Variants in LAMA2 observed in about 807,000 individuals in gnomAD.
LAMA2 encodes laminin subunit alpha-2.
Under a neutral mutation model 364.8 loss-of-function variants are expected in LAMA2, and 269 were observed. That is an observed-to-expected ratio of 0.74 (90% CI 0.67 to 0.82). The LOEUF is 0.82. Ranked by LOEUF, LAMA2 falls within the 40% of genes least tolerant of loss-of-function variation. The pLI, the probability that LAMA2 is intolerant of heterozygous loss-of-function variation, is 0.00. For synonymous variants in LAMA2, 1,379 were observed against 1,370.6 expected, an observed-to-expected ratio of 1.01 and a Z score of -0.14; for missense variants, 3,807 against 3,873.2, an observed-to-expected ratio of 0.98 and a Z score of 0.45.
intron 1 of LAMA2, among the ~76,000 whole-genome samples, chr6:128,908,367 A>G (rs1476246356): frequency 1.6e-4 from 24 of 150,992 alleles, no homozygotes; most frequent in African/African-American, 5.8e-4. Context: ...GTCTTGGGAG[A>G]GTGTATGTGT....
intron 4 of LAMA2, among the ~76,000 whole-genome samples, chr6:129,119,028 CA>C (rs1776646137): frequency 6.6e-6 from 1 of 152,212 alleles, no homozygotes; most frequent in Admixed American, 6.5e-5. Context: ...GTTTTGGGAT[CA>C]GCGGTCCAAA....
At chr6:129,191,414 A>G (rs552471724) in intron 11 of LAMA2, among the ~76,000 whole-genome samples, 1 of 152,186 alleles carries the variant, frequency 6.6e-6, no homozygotes, top group South Asian at 2.1e-4. Context: ...AGAATCAACC[A>G]CAGATGGACA....
intron 12 of LAMA2, among the ~76,000 whole-genome samples, chr6:129,244,326 G>A (rs559407947): frequency 1.3e-5 from 2 of 152,148 alleles, no homozygotes; most frequent in South Asian, 4.2e-4. Flanking sequence ...TGATAAAAGA[G>A]AGCTCTACAA....
At chr6:129,220,716 T>A (rs1783766181) in intron 12 of LAMA2, among the ~76,000 whole-genome samples, 1 of 152,210 alleles carries the variant, frequency 6.6e-6, no homozygotes, top group African/African-American at 2.4e-5. Context: ...TAGCCAAATT[T>A]CACCAAGAAC....
At chr6:129,225,363 T>A (rs1215368765) in intron 12 of LAMA2, among the ~76,000 whole-genome samples, 2 of 152,230 alleles carry the variant, frequency 1.3e-5, no homozygotes, top group Non-Finnish European at 2.9e-5. Flanking sequence ...AGTTATTTCT[T>A]GCCTTCTGCT....
At chr6:129,401,907 T>G (rs1362616979) in intron 38 of LAMA2, among the ~76,000 whole-genome samples, 1 of 152,170 alleles carries the variant, frequency 6.6e-6, no homozygotes, top group African/African-American at 2.4e-5. Flanking sequence ...TGAAGTTTCA[T>G]TTTAAAACTA....
intron 3 of LAMA2, among the ~76,000 whole-genome samples, chr6:129,084,735 A>T (rs1774271278): frequency 6.6e-6 from 1 of 152,148 alleles, no homozygotes; most frequent in African/African-American, 2.4e-5. Flanking sequence ...TGCAGGCATA[A>T]ACCCTGGGAT....
At position 129,391,714 on chromosome 6, in the gene LAMA2, T is replaced by C. The variant is rs145579258; in HGVS notation, c.5234+61T>C. On this transcript the variant is annotated intron_variant, in intron 36 of 64. Coordinates refer to ENST00000421865, the MANE Select transcript of LAMA2 (RefSeq NM_000426.4). Reference sequence around the variant, plus strand: ...ACTGAGATTTCCAGATAATTTACAGTTTTCTAAATTTTTATCACACGTATA... The same window carrying C: ...ACTGAGATTTCCAGATAATTTACAGCTTTCTAAATTTTTATCACACGTATA... 2.5e-4 allele frequency: 371 copies of C among 1,458,398 alleles called. 1 individual carries two copies. In the African/African-American group the frequency reaches 4.7e-3, roughly 18 times the overall value. The allele number at this position is 1,458,398 out of a possible 1,614,324, so 90.3% of individuals were successfully genotyped here. A position where few individuals can be genotyped will look rare whatever the true frequency, so the allele number is the denominator to read the frequency against.
chr6:128,925,293 A>T (rs1779015456), intron 1 of LAMA2, among the ~76,000 whole-genome samples: 2 of 152,214 alleles, frequency 1.3e-5, no homozygotes, highest in Non-Finnish European at 2.9e-5. Context: ...GATAAATAAA[A>T]TGTTGTGCAT....
chr6:128,981,579 CAAAAA>C (rs145266584), intron 1 of LAMA2, among the ~76,000 whole-genome samples: 4 of 119,478 alleles, frequency 3.3e-5, no homozygotes, highest in Non-Finnish European at 5.1e-5. Context: ...CCATCTCTAC[CAAAAA>C]AAAAAAAAAA....
chr6:129,483,257 A>T (rs547471288), intron 55 of LAMA2, among the ~76,000 whole-genome samples: 2 of 151,774 alleles, frequency 1.3e-5, no homozygotes, highest in Admixed American at 6.6e-5. Flanking sequence ...TTCCTGATTT[A>T]AAAAAAAGAC....
intron 12 of LAMA2, among the ~76,000 whole-genome samples, chr6:129,193,509 T>A (rs562286394): frequency 6.6e-6 from 1 of 152,328 alleles, no homozygotes; most frequent in East Asian, 1.9e-4. Context: ...CTGTTGTGGA[T>A]TACTTCTATC....
intron 1 of LAMA2, among the ~76,000 whole-genome samples, chr6:128,968,074 A>G (rs757187555): frequency 8.5e-5 from 13 of 152,160 alleles, no homozygotes; most frequent in Non-Finnish European, 1.8e-4. Context: ...TTATTCAATC[A>G]AACAAAAGGG....
chr6:128,972,093 C>G (rs1782221754), intron 1 of LAMA2, among the ~76,000 whole-genome samples: 1 of 152,152 alleles, frequency 6.6e-6, no homozygotes, highest in Non-Finnish European at 1.5e-5. Context: ...AGAGGGGAGA[C>G]CAGCCTGTTG....
At chr6:129,183,931 C>T (rs895512544) in intron 10 of LAMA2, among the ~76,000 whole-genome samples, 5 of 151,820 alleles carry the variant, frequency 3.3e-5, no homozygotes, top group African/African-American at 9.7e-5. Context: ...ACTAAAATCT[C>T]GTGAAGCTTT....
intron 1 of LAMA2, among the ~76,000 whole-genome samples, chr6:128,993,677 T>C (rs4370390): frequency 6.6e-6 from 1 of 151,878 alleles, no homozygotes; most frequent in African/African-American, 2.4e-5. Context: ...AACATAAACT[T>C]TACAATATAT....
chr6:129,056,725 T>C (rs1256020137), intron 2 of LAMA2, among the ~76,000 whole-genome samples: 1 of 152,136 alleles, frequency 6.6e-6, no homozygotes, highest in Non-Finnish European at 1.5e-5. Context: ...CCAAATTTAG[T>C]GAATATTCAG....
intron 14 of LAMA2, among the ~76,000 whole-genome samples, chr6:129,254,774 G>A (rs1786515752): frequency 6.6e-6 from 1 of 152,164 alleles, no homozygotes; most frequent in Admixed American, 6.5e-5. Context: ...TAACTGAACT[G>A]TGCATCTTTC....
intron 1 of LAMA2, among the ~76,000 whole-genome samples, chr6:128,969,016 G>A (rs1234005580): frequency 3.3e-5 from 5 of 152,100 alleles, no homozygotes; most frequent in Admixed American, 2.0e-4. Context: ...TGGTAGGTTC[G>A]GTTTCTATAA....
Sources: gnomAD v4.1 joint callset for allele counts (sites outside exome capture counted in the v4.1 genomes callset) on GRCh38, gnomAD v4.1.1 for gene constraint, MANE v1.5 for transcripts, NCBI Gene and HGNC (gene_info 2026-07-23, HGNC 2026-07-21) for gene names.